The following STAT3 variants were observed in gnomAD, a reference collection of about 807,000 sequenced individuals.
The protein encoded by STAT3 is signal transducer and activator of transcription 3.
A neutral mutation model predicts 114.3 loss-of-function variants in STAT3; 7 were observed. The ratio of observed to expected loss-of-function variants is 0.06; its 90% CI spans 0.03 to 0.11. The LOEUF (loss-of-function observed/expected upper bound fraction) is 0.11, where lower values mean the gene tolerates loss of function less well. Among genes scored for constraint, STAT3 ranks in the 10% least tolerant of loss-of-function variants. The pLI, the probability that STAT3 is intolerant of heterozygous loss-of-function variation, is 1.00. For synonymous variants in STAT3, 331 were observed against 354.5 expected, an observed-to-expected ratio of 0.93 and a Z score of 0.74; for missense variants, 364 against 960.9, an observed-to-expected ratio of 0.38 and a Z score of 8.21.
At chr17:42,331,383 GAC>G in intron 11 of STAT3, 87 bp downstream of exon 11, 1 of 1,202,238 alleles carries the variant, frequency 8.3e-7, no homozygotes, top group South Asian at 1.3e-5. Context: ...TCTGAATAAA[GAC>G]AGAGTCTCTA....
intron 4 of STAT3, among the ~76,000 whole-genome samples, chr17:42,343,124 A>G (rs928061548): frequency 1.3e-5 from 2 of 150,094 alleles, no homozygotes; most frequent in African/African-American, 2.5e-5. Flanking sequence ...GTGAGCTGTG[A>G]TCACACCACT....
chr17:42,374,573 G>A (rs561960155), intron 1 of STAT3, among the ~76,000 whole-genome samples: 9 of 139,360 alleles, frequency 6.5e-5, no homozygotes, highest in African/African-American at 2.4e-4. Flanking sequence ...TCGTGCCATT[G>A]CACTCCAGCC....
intron 1 of STAT3, among the ~76,000 whole-genome samples, chr17:42,349,923 G>A (rs757372261): frequency 1.3e-5 from 2 of 152,124 alleles, no homozygotes; most frequent in Non-Finnish European, 2.9e-5. Context: ...AGGCGTGGTG[G>A]CACATGCCTG....
intron 1 of STAT3, among the ~76,000 whole-genome samples, chr17:42,361,961 TTACAGAGC>T (rs904292951): frequency 6.6e-6 from 1 of 152,148 alleles, no homozygotes; most frequent in African/African-American, 2.4e-5. Context: ...TTCTGTGACA[TTACAGAGC>T]TACATGTGAT....
chr17:42,351,706 G>C (rs1183970896), intron 1 of STAT3, among the ~76,000 whole-genome samples: 3 of 152,072 alleles, frequency 2.0e-5, no homozygotes, highest in Non-Finnish European at 2.9e-5. Context: ...GTCAGAATAA[G>C]GTATTTGCCC....
In STAT3 at chr17:42,326,209, C is replaced by T. The variant is rs547178731; in HGVS notation, c.1282-10G>A. Reference sequence around the variant, plus strand: ...TCACAATCAGGGAAGCCTACAGTAACGAGAAGGACACTCTTAGGCCAGGTG... The same window carrying T: ...TCACAATCAGGGAAGCCTACAGTAATGAGAAGGACACTCTTAGGCCAGGTG... On this transcript the variant is annotated splice_polypyrimidine_tract_variant and intron_variant, in intron 14 of 23. Coordinates refer to ENST00000264657, the MANE Select transcript of STAT3 (RefSeq NM_139276.3). 1.4e-5 allele frequency: 23 copies of T among 1,613,180 alleles called. No homozygotes were observed. In the African/African-American group the frequency reaches 2.0e-4, roughly 14 times the overall value.
At chr17:42,320,914 T>A (rs1397139772) in intron 21 of STAT3, among the ~76,000 whole-genome samples, 1 of 150,496 alleles carries the variant, frequency 6.6e-6, no homozygotes, top group Admixed American at 6.6e-5. Flanking sequence ...CTGCAGAGAT[T>A]ACAGTTTTGT....
At chr17:42,339,735 T>C (rs2082364316) in intron 4 of STAT3, among the ~76,000 whole-genome samples, 1 of 152,146 alleles carries the variant, frequency 6.6e-6, no homozygotes, top group Non-Finnish European at 1.5e-5. Flanking sequence ...TTAAACGTGG[T>C]GTCCAGTATA....
At chr17:42,338,871 A>C in intron 5 of STAT3, 59 bp from the exon 6 acceptor site, 2 of 1,465,966 alleles carry the variant, frequency 1.4e-6, no homozygotes, top group Non-Finnish European at 1.9e-6. Context: ...TGGGAACAGA[A>C]AATATAAAGT....
At chr17:42,374,856 T>C (rs1456677538) in intron 1 of STAT3, among the ~76,000 whole-genome samples, 1 of 152,224 alleles carries the variant, frequency 6.6e-6, no homozygotes, top group Non-Finnish European at 1.5e-5. Context: ...CTCTGCTATC[T>C]GATCTCTGCC....
chr17:42,371,484 CAACATGGAG>C (rs1260599296), intron 1 of STAT3, among the ~76,000 whole-genome samples: 1 of 149,034 alleles, frequency 6.7e-6, no homozygotes, highest in African/African-American at 2.5e-5. Flanking sequence ...CCAGCCTGAC[CAACATGGAG>C]AAACCTCGTC....
chr17:42,346,794 G>GA (rs1236499806), intron 2 of STAT3, 81 bp from the exon 3 acceptor site: 3 of 1,593,364 alleles, frequency 1.9e-6, no homozygotes, highest in African/African-American at 1.4e-5. Context: ...CAAGAAAGAG[G>GA]AAAAAAACAA....
chr17:42,329,050 A>G (rs554405176), intron 14 of STAT3, among the ~76,000 whole-genome samples: 23 of 152,284 alleles, frequency 1.5e-4, no homozygotes, highest in African/African-American at 5.5e-4. Flanking sequence ...AAAACAGGGC[A>G]CTAAAAATGG....
At chr17:42,364,721 G>C (rs2145192799) in intron 1 of STAT3, among the ~76,000 whole-genome samples, 1 of 152,286 alleles carries the variant, frequency 6.6e-6, no homozygotes, top group African/African-American at 2.4e-5. Flanking sequence ...GACCTCAAGT[G>C]ATCTGCCTGC....
chr17:42,358,809 TG>T (rs1245630812), intron 1 of STAT3, among the ~76,000 whole-genome samples: 1 of 152,196 alleles, frequency 6.6e-6, no homozygotes, highest in Non-Finnish European at 1.5e-5. Flanking sequence ...GAAGAACTGT[TG>T]TAAAGTTAAA....
chr17:42,347,719 C>T (rs1261368179), intron 2 of STAT3, among the ~76,000 whole-genome samples: 2 of 152,088 alleles, frequency 1.3e-5, no homozygotes, highest in South Asian at 2.1e-4. Flanking sequence ...ATACTGTCCT[C>T]GAGACAGTGA....
intron 4 of STAT3, among the ~76,000 whole-genome samples, chr17:42,344,892 A>C (rs2082625755): frequency 6.6e-6 from 1 of 151,924 alleles, no homozygotes; most frequent in African/African-American, 2.4e-5. Flanking sequence ...CCAGCCTCAT[A>C]AAATAAGCTG....
intron 4 of STAT3, among the ~76,000 whole-genome samples, chr17:42,343,635 A>G (rs2082556278): frequency 1.3e-5 from 2 of 151,686 alleles, no homozygotes; most frequent in African/African-American, 4.8e-5. Context: ...TTGTATTTTT[A>G]GTAGAGATGG....
intron 1 of STAT3, among the ~76,000 whole-genome samples, chr17:42,384,132 A>AGTT (rs1555581273): frequency 7.4e-6 from 1 of 134,914 alleles, no homozygotes; most frequent in Non-Finnish European, 1.6e-5. Context: ...TTATTTATTT[A>AGTT]TTTTTTTTTT....
Sources: allele counts gnomAD v4.1 joint callset (sites outside exome capture counted in the v4.1 genomes callset), GRCh38; gene constraint gnomAD v4.1.1; transcripts MANE v1.5; gene names NCBI Gene and HGNC (gene_info 2026-07-23, HGNC 2026-07-21).